Variants in CHD9 observed in about 807,000 individuals in gnomAD.
The protein encoded by CHD9 is ATP-dependent chromatin remodeler CHD9.
In CHD9, 77 loss-of-function variants were observed where a neutral mutation model predicts 316.1. The ratio of observed to expected loss-of-function variants is 0.24; its 90% CI spans 0.20 to 0.29. The LOEUF is 0.29. Ranked by LOEUF, CHD9 falls within the 10% of genes least tolerant of loss-of-function variation. CHD9 has a pLI of 1.00. For missense variants in CHD9, 2,763 were observed against 3,438.1 expected, an observed-to-expected ratio of 0.80 and a Z score of 4.91; for synonymous variants, 1,129 against 1,158.3, an observed-to-expected ratio of 0.97 and a Z score of 0.51.
At chr16:53,269,012 G>C (rs146817615) in intron 22 of CHD9, among the ~76,000 whole-genome samples, 1 of 151,806 alleles carries the variant, frequency 6.6e-6, no homozygotes, top group Non-Finnish European at 1.5e-5. Flanking sequence ...CTACCATGTT[G>C]CCCAGGCTGG....
chr16:53,125,902 G>A (rs547873808), intron 1 of CHD9, among the ~76,000 whole-genome samples: 1 of 152,282 alleles, frequency 6.6e-6, no homozygotes, highest in East Asian at 1.9e-4. Flanking sequence ...AAGTTGAGGA[G>A]CATCTGTAAT....
At chr16:53,200,187 A>G (rs939533375) in intron 2 of CHD9, among the ~76,000 whole-genome samples, 2 of 152,094 alleles carry the variant, frequency 1.3e-5, no homozygotes, top group East Asian at 1.9e-4. Flanking sequence ...CCTGACCAAC[A>G]TGGTGAAACC....
chr16:53,300,771 T>G (rs2055316766), intron 30 of CHD9, among the ~76,000 whole-genome samples: 1 of 152,264 alleles, frequency 6.6e-6, no homozygotes, highest in Admixed American at 6.5e-5. Context: ...GATGCATTGC[T>G]TGGATATTTC....
chr16:53,168,292 A>G (rs1350705924), intron 2 of CHD9, among the ~76,000 whole-genome samples: 2 of 152,022 alleles, frequency 1.3e-5, no homozygotes, highest in African/African-American at 4.8e-5. Flanking sequence ...TGAACTCCTG[A>G]CCTCAGGGGA....
At chr16:53,069,120 T>A (rs2033783035) in intron 1 of CHD9, among the ~76,000 whole-genome samples, 1 of 152,172 alleles carries the variant, frequency 6.6e-6, no homozygotes, top group Non-Finnish European at 1.5e-5. Flanking sequence ...TCTCCTTGCC[T>A]CAGCCTCCAG....
chr16:53,198,872 C>T (rs1044982528), intron 2 of CHD9, among the ~76,000 whole-genome samples: 1 of 152,052 alleles, frequency 6.6e-6, no homozygotes, highest in Non-Finnish European at 1.5e-5. Context: ...GTTCAGATTT[C>T]CTATAGATAA....
intron 2 of CHD9, among the ~76,000 whole-genome samples, chr16:53,189,799 C>T (rs533103054): frequency 7.0e-4 from 106 of 152,092 alleles, no homozygotes; most frequent in African/African-American, 2.5e-3. Flanking sequence ...CCATGTCTTA[C>T]AGGATGATAG....
chr16:53,326,048 A>C lies in CHD9; in HGVS notation c.*1153A>C, dbSNP rs1454886680. On this transcript the variant is annotated 3_prime_UTR_variant, in exon 39 of 39. Transcript: ENST00000447540. ...CCGTTTTGAAAATGCACTTTGAATA[A>C]TCTCAAAAAGATGTACAAGTTATAC... The C allele has an allele frequency of 6.6e-6, 1 of 152,532 alleles. No homozygotes were observed. The highest frequency in any genetic ancestry group is 1.5e-5 in the Non-Finnish European group (1 of 67,952). 9.4% of individuals were successfully genotyped at this position (152,532 alleles called of 1,614,324 possible).
Position 53,247,202 on chromosome 16 carries a change from A to C in CHD9, c.3455-91A>C, listed in dbSNP as rs2049711915. 5 of 846,240 alleles carry C rather than the reference A, an allele frequency of 5.9e-6. No individual in the cohort carries two copies. In the South Asian group the frequency reaches 8.6e-5, roughly 15 times the overall value. 52.4% of individuals were successfully genotyped at this position (846,240 alleles called of 1,614,324 possible). A position where few individuals can be genotyped will look rare whatever the true frequency, so the allele number is the denominator to read the frequency against. Reference sequence around the variant, plus strand: ...CATTAGAAAATTATGTTACAGAAGCACACAGGAGCACTAATTGTGATTAAA... The same window carrying C: ...CATTAGAAAATTATGTTACAGAAGCCCACAGGAGCACTAATTGTGATTAAA... On this transcript the variant is annotated intron_variant, in intron 15 of 38. Transcript: ENST00000447540.
intron 1 of CHD9, among the ~76,000 whole-genome samples, chr16:53,092,089 C>G (rs2035990242): frequency 6.6e-6 from 1 of 152,212 alleles, no homozygotes; most frequent in South Asian, 2.1e-4. Context: ...CAGGGAGATG[C>G]TGCCAACTGC....
chr16:53,300,715 G>T (rs1053517959), intron 30 of CHD9, among the ~76,000 whole-genome samples: 1 of 152,166 alleles, frequency 6.6e-6, no homozygotes, highest in Non-Finnish European at 1.5e-5. Context: ...GTGCAGACCC[G>T]CAGTGTTCAA....
At chr16:53,177,615 A>G (rs2043176866) in intron 2 of CHD9, among the ~76,000 whole-genome samples, 1 of 152,174 alleles carries the variant, frequency 6.6e-6, no homozygotes, top group Non-Finnish European at 1.5e-5. Context: ...TTTCTTTTCT[A>G]TTGCTCTTGT....
intron 1 of CHD9, among the ~76,000 whole-genome samples, chr16:53,124,448 T>A (rs1236839554): frequency 2.7e-5 from 4 of 147,418 alleles, no homozygotes; most frequent in Non-Finnish European, 6.0e-5. Context: ...TATAAAACCA[T>A]CAGATCTGGT....
At position 53,314,574 on chromosome 16, in the gene CHD9, T is replaced by TATAC. The variant is rs1247013837; in HGVS notation, c.7362+62_7362+65dup. On this transcript the variant is annotated intron_variant, in intron 35 of 38. Transcript: ENST00000447540. Reference sequence around the variant, plus strand: ...GAATTCAAAATTCAATCCTAATAAATATACATATTATTGTTTTGTGAATGT... The same window carrying TATAC: ...GAATTCAAAATTCAATCCTAATAAATATACATACATATTATTGTTTTGTGAATGT... The TATAC allele has an allele frequency of 2.3e-6, 3 of 1,319,640 alleles. No individual in the cohort carries two copies. In the Admixed American group the frequency reaches 7.9e-5, roughly 35 times the overall value. 81.7% of individuals were successfully genotyped at this position (1,319,640 alleles called of 1,614,324 possible). A position where few individuals can be genotyped will look rare whatever the true frequency, so the allele number is the denominator to read the frequency against.
At chr16:53,309,808 T>C (rs1384856457) in intron 34 of CHD9, among the ~76,000 whole-genome samples, 3 of 152,066 alleles carry the variant, frequency 2.0e-5, no homozygotes, top group African/African-American at 7.3e-5. Context: ...TCTGTGTTCC[T>C]CTAAAAGTGT....
Position 53,273,848 on chromosome 16 carries a change from T to G in CHD9, c.4877+63T>G, listed in dbSNP as rs1361923413. On this transcript the variant is annotated intron_variant, in intron 23 of 38. Coordinates refer to ENST00000447540, the MANE Select transcript of CHD9 (RefSeq NM_001308319.2). ...TTTACTGTTCTGAATTTATTAATAC[T>G]CTTTAAGCTTGCTGATTTTGAGTAC... 8 of 1,424,544 alleles carry G rather than the reference T, an allele frequency of 5.6e-6. No individual in the cohort carries two copies. The East Asian group carries it at 1.8e-4, about 33-fold the overall frequency. 88.2% of individuals were successfully genotyped at this position (1,424,544 alleles called of 1,614,324 possible).
chr16:53,156,393 T>A lies in CHD9; in HGVS notation c.304T>A (p.Cys102Ser), dbSNP rs765269716. 6.2e-7 allele frequency: 1 copy of A among 1,614,024 alleles called. No individual in the cohort carries two copies. The highest frequency in any genetic ancestry group is 8.5e-7 in the Non-Finnish European group (1 of 1,179,896). The change falls in exon 2 of 39, where the codon TGT becomes AGT. Residue 102 changes from cysteine (C) to serine (S), a missense_variant. Cys to Ser is a moderately radical substitution (Grantham distance 112). Around this residue, in one of 15 missense-constraint regions of CHD9, gnomAD observed 859 missense variants for 890.4 expected, o/e 0.96. Coordinates refer to ENST00000447540, the MANE Select transcript of CHD9 (RefSeq NM_001308319.2). ...GTTATCTCCACACTCTCAGTTTAAT[T>A]GTTCTCCAATCCATCCCCAAAACCA... ...HVLSPHSQFN[C>S]SPIHPQNQPN...
At chr16:53,132,724 T>C (rs1454056622) in intron 1 of CHD9, among the ~76,000 whole-genome samples, 1 of 152,080 alleles carries the variant, frequency 6.6e-6, no homozygotes, top group Non-Finnish European at 1.5e-5. Context: ...AATAAAAGAC[T>C]TCTATTGCTC....
At chr16:53,062,336 G>A (rs183362845) in intron 1 of CHD9, among the ~76,000 whole-genome samples, 1 of 152,230 alleles carries the variant, frequency 6.6e-6, no homozygotes, top group Admixed American at 6.5e-5. Flanking sequence ...CCTGTACATG[G>A]CTTTTCATGT....
Sources: allele counts gnomAD v4.1 joint callset (sites outside exome capture counted in the v4.1 genomes callset), GRCh38; gene constraint gnomAD v4.1.1; regional missense constraint gnomAD v4.1.1; transcripts MANE v1.5; gene names NCBI Gene and HGNC (gene_info 2026-07-23, HGNC 2026-07-21).